The following SPOCK3 variants were observed in gnomAD, a reference collection of about 807,000 sequenced individuals.
SPOCK3 encodes the protein SPARC (osteonectin), cwcv and kazal like domains proteoglycan 3, also known as testican-3.
A neutral mutation model predicts 56.6 loss-of-function variants in SPOCK3; 30 were observed. The ratio of observed to expected loss-of-function variants is 0.53; its 90% CI spans 0.40 to 0.72. The LOEUF (loss-of-function observed/expected upper bound fraction) is 0.72, where lower values mean the gene tolerates loss of function less well. Among genes scored for constraint, SPOCK3 ranks in the 30% least tolerant of loss-of-function variants. The pLI, the probability that SPOCK3 is intolerant of heterozygous loss-of-function variation, is 0.00. For missense variants in SPOCK3, 527 were observed against 530.0 expected, an observed-to-expected ratio of 0.99 and a Z score of 0.06; for synonymous variants, 196 against 183.3, an observed-to-expected ratio of 1.07 and a Z score of -0.56.
intron 6 of SPOCK3, among the ~76,000 whole-genome samples, chr4:166,808,665 TG>T (rs1232521537): frequency 3.3e-5 from 5 of 152,130 alleles, no homozygotes; most frequent in Non-Finnish European, 7.4e-5. Flanking sequence ...ATATACTTCC[TG>T]AAAGCTAGTA....
At position 166,778,539 on chromosome 4, in the gene SPOCK3, G is replaced by C. The variant is rs189419769; in HGVS notation, c.709+13631C>G. Reference sequence around the variant, plus strand: ...TAAACAGCAGGTATTGAGAAGAAAAGCACCATTCTGGTCCACACAGGATTC... The same window carrying C: ...TAAACAGCAGGTATTGAGAAGAAAACCACCATTCTGGTCCACACAGGATTC... On this transcript the variant is annotated intron_variant, in intron 7 of 10. Coordinates refer to ENST00000357545, the MANE Select transcript of SPOCK3 (RefSeq NM_001040159.2). Among the ~76,000 whole-genome samples the C allele has an allele frequency of 3.9e-5, 6 of 152,232 alleles. No homozygotes were observed. In the East Asian group the frequency reaches 1.2e-3, roughly 29 times the overall value.
At chr4:167,055,435 T>C (rs1754693147) in intron 3 of SPOCK3, among the ~76,000 whole-genome samples, 1 of 151,828 alleles carries the variant, frequency 6.6e-6, no homozygotes, top group African/African-American at 2.4e-5. Context: ...CACTAGGGAG[T>C]GCCAGACAGT....
intron 7 of SPOCK3, among the ~76,000 whole-genome samples, chr4:166,791,251 G>A (rs542549845): frequency 3.3e-5 from 5 of 152,160 alleles, no homozygotes; most frequent in African/African-American, 1.2e-4. Context: ...ATTCCTTAAT[G>A]TGAAAAAAAT....
At position 167,022,090 on chromosome 4, in the gene SPOCK3, G is replaced by A. The variant is rs572416181; in HGVS notation, c.236-21627C>T. On this transcript the variant is annotated intron_variant, in intron 3 of 10. Coordinates refer to ENST00000357545, the MANE Select transcript of SPOCK3 (RefSeq NM_001040159.2). ...TAGTTTGGAGCACAGTGTGATACCC[G>A]AACGTCATTTGGATGTGCTGTTCCC... is the stretch of plus-strand genomic sequence containing the variant. 7.2e-5 allele frequency among the ~76,000 whole-genome samples: 11 copies of A among 152,008 alleles called. No homozygotes were observed. The South Asian group carries it at 2.1e-3, about 29-fold the overall frequency.
At chr4:166,930,352 C>T (rs1490698478) in intron 4 of SPOCK3, among the ~76,000 whole-genome samples, 1 of 152,014 alleles carries the variant, frequency 6.6e-6, no homozygotes, top group Non-Finnish European at 1.5e-5. Flanking sequence ...ACTATTTGTG[C>T]TATATGTGTG....
chr4:166,991,349 A>ATTTATTTG (rs1268538894), intron 4 of SPOCK3, among the ~76,000 whole-genome samples: 1 of 144,324 alleles, frequency 6.9e-6, no homozygotes, highest in African/African-American at 2.7e-5. Flanking sequence ...TTTTATATTT[A>ATTTATTTG]TTTATTTATT....
intron 6 of SPOCK3, among the ~76,000 whole-genome samples, chr4:166,877,840 A>C (rs1215662700): frequency 6.6e-6 from 1 of 152,222 alleles, no homozygotes; most frequent in Non-Finnish European, 1.5e-5. Flanking sequence ...AATTTTGCCA[A>C]TAAGTAGAAA....
chr4:166,910,961 TAA>T (rs1353019420), intron 5 of SPOCK3, among the ~76,000 whole-genome samples: 1 of 152,184 alleles, frequency 6.6e-6, no homozygotes, highest in Non-Finnish European at 1.5e-5. Flanking sequence ...TCCTTCATTA[TAA>T]GTCAATAAAT....
intron 6 of SPOCK3, among the ~76,000 whole-genome samples, chr4:166,857,699 T>G (rs1234431108): frequency 6.6e-6 from 1 of 152,160 alleles, no homozygotes; most frequent in Non-Finnish European, 1.5e-5. Context: ...CAGATAAAAT[T>G]TATGTCTTTC....
At chr4:167,067,917 A>G (rs944703552) in intron 2 of SPOCK3, among the ~76,000 whole-genome samples, 5 of 151,756 alleles carry the variant, frequency 3.3e-5, no homozygotes, top group Non-Finnish European at 5.9e-5. Context: ...TATTATGTTA[A>G]TACTTATTAG....
intron 3 of SPOCK3, among the ~76,000 whole-genome samples, chr4:167,058,051 A>G (rs1407025185): frequency 1.3e-5 from 2 of 152,206 alleles, no homozygotes; most frequent in African/African-American, 2.4e-5. Flanking sequence ...AGCTCTCCTC[A>G]GCAAATGTAA....
intron 3 of SPOCK3, among the ~76,000 whole-genome samples, chr4:167,044,904 C>T (rs1444776894): frequency 6.6e-6 from 1 of 152,050 alleles, no homozygotes; most frequent in Non-Finnish European, 1.5e-5. Flanking sequence ...CTGGATGAAG[C>T]AGTCTATAGA....
chr4:167,196,870 A>C (rs1246538083), intron 2 of SPOCK3, among the ~76,000 whole-genome samples: 1 of 152,104 alleles, frequency 6.6e-6, no homozygotes, highest in African/African-American at 2.4e-5. Context: ...CTTTTCCCAC[A>C]GTCTGCCTAA....
chr4:167,103,489 G>C (rs1759833948), intron 2 of SPOCK3, among the ~76,000 whole-genome samples: 1 of 152,176 alleles, frequency 6.6e-6, no homozygotes, highest in Non-Finnish European at 1.5e-5. Flanking sequence ...CTGCCAAAGT[G>C]AGAGGCTCCT....
At chr4:166,988,404 A>G (rs867039164) in intron 4 of SPOCK3, among the ~76,000 whole-genome samples, 6 of 152,126 alleles carry the variant, frequency 3.9e-5, no homozygotes, top group Admixed American at 1.3e-4. Context: ...CAATATATAC[A>G]GCTTAATGCA....
At chr4:166,878,750 C>A (rs1027600098) in intron 6 of SPOCK3, among the ~76,000 whole-genome samples, 15 of 152,100 alleles carry the variant, frequency 9.9e-5, no homozygotes, top group African/African-American at 3.4e-4. Flanking sequence ...GCTGGTAAGA[C>A]ACTGTAATTA....
chr4:167,003,394 T>C (rs978494932), intron 3 of SPOCK3, among the ~76,000 whole-genome samples: 1 of 152,190 alleles, frequency 6.6e-6, no homozygotes, highest in Non-Finnish European at 1.5e-5. Flanking sequence ...CTGTATTTTT[T>C]AGTAGAACTC....
intron 2 of SPOCK3, among the ~76,000 whole-genome samples, chr4:167,113,178 T>A (rs1030567386): frequency 6.6e-6 from 1 of 152,194 alleles, no homozygotes; most frequent in African/African-American, 2.4e-5. Context: ...GCTTTTTTAA[T>A]CTCACTTTAG....
chr4:166,800,702 T>A (rs1742492288), intron 6 of SPOCK3, among the ~76,000 whole-genome samples: 1 of 152,098 alleles, frequency 6.6e-6, no homozygotes, highest in African/African-American at 2.4e-5. Context: ...ATATACAGTA[T>A]CAAAAAGTTA....
Sources: allele counts gnomAD v4.1 joint callset (sites outside exome capture counted in the v4.1 genomes callset), GRCh38; gene constraint gnomAD v4.1.1; transcripts MANE v1.5; gene names NCBI Gene and HGNC (gene_info 2026-07-23, HGNC 2026-07-21).